Variants in RARB observed in about 807,000 individuals in gnomAD.
RARB encodes the protein retinoic acid receptor beta.
RARB carries 17 observed loss-of-function variants against 51.9 expected under a neutral mutation model. That is an observed-to-expected ratio of 0.33 (90% CI 0.22 to 0.49). The LOEUF is 0.49. RARB is among the 20% of genes least tolerant of loss of function. The pLI, the probability that RARB is intolerant of heterozygous loss-of-function variation, is 0.99. For missense variants in RARB, 369 were observed against 550.8 expected, an observed-to-expected ratio of 0.67 and a Z score of 3.30; for synonymous variants, 215 against 195.4, an observed-to-expected ratio of 1.10 and a Z score of -0.84.
chr3:25,310,721 G>A (rs1704268143), intron 5 of RARB, among the ~76,000 whole-genome samples: 1 of 152,072 alleles, frequency 6.6e-6, no homozygotes, highest in Non-Finnish European at 1.5e-5. Context: ...ACCCCTCTCT[G>A]TTCACACATG....
intron 2 of RARB, among the ~76,000 whole-genome samples, chr3:25,012,804 T>G (rs1378976300): frequency 6.6e-6 from 1 of 152,120 alleles, no homozygotes; most frequent in Non-Finnish European, 1.5e-5. Flanking sequence ...TGATTATTGT[T>G]TGGCTTTATT....
chr3:25,257,273 C>T lies in RARB; in HGVS notation c.178+82698C>T, dbSNP rs113182149. 2.8e-3 allele frequency among the ~76,000 whole-genome samples: 424 copies of T among 152,118 alleles called. 2 individuals are homozygous for T. Among genetic ancestry groups the T allele is most frequent in the African/African-American group, 9.9e-3 (409 of 41,492 alleles). The stretch of plus-strand genomic sequence containing the variant: ...GTGTGCTCCATTCCGGGTACCACAT[C>T]TTAAGGGGCATGTTGGCCAACTGGA... On this transcript the variant is annotated intron_variant, in intron 5 of 11. Coordinates refer to the RARB transcript ENST00000383772.
At chr3:25,210,753 T>G (rs184543328) in intron 5 of RARB, among the ~76,000 whole-genome samples, 1 of 151,978 alleles carries the variant, frequency 6.6e-6, no homozygotes. Context: ...CATGCTGGTC[T>G]CGAACTCCTG....
intron 1 of RARB, among the ~76,000 whole-genome samples, chr3:25,459,996 A>G (rs1223409030): frequency 6.6e-6 from 1 of 152,208 alleles, no homozygotes; most frequent in Non-Finnish European, 1.5e-5. Flanking sequence ...CCCCGTTCTT[A>G]TATTTTGTGA....
chr3:24,832,080 T>C (rs1025553562), intron 1 of RARB, among the ~76,000 whole-genome samples: 4 of 152,176 alleles, frequency 2.6e-5, no homozygotes, highest in Non-Finnish European at 5.9e-5. Flanking sequence ...TGTTTTAACC[T>C]TAGGGACATT....
intron 2 of RARB, among the ~76,000 whole-genome samples, chr3:25,000,518 G>T (rs1328106734): frequency 6.6e-6 from 1 of 151,994 alleles, no homozygotes; most frequent in Non-Finnish European, 1.5e-5. Context: ...TCTTTGACCT[G>T]CGAGGCTGAT....
At chr3:24,982,593 C>A (rs889133276) in intron 2 of RARB, among the ~76,000 whole-genome samples, 4 of 152,176 alleles carry the variant, frequency 2.6e-5, no homozygotes, top group South Asian at 2.1e-4. Context: ...GTAATACTTT[C>A]TTCTTCAGAC....
rs142249392 is a variant in RARB at position 24,950,368 on chromosome 3, C to T, written c.-380+91616C>T. On this transcript the variant is annotated intron_variant, in intron 2 of 11. Coordinates refer to the RARB transcript ENST00000383772. ...TATGTAAAAATGGGTTTGCAAATGCCCTAGAGATCCATATGATGGGGCACA... is the reference window on the plus strand; with the variant it reads ...TATGTAAAAATGGGTTTGCAAATGCTCTAGAGATCCATATGATGGGGCACA... 1.3e-4 allele frequency among the ~76,000 whole-genome samples: 20 copies of T among 152,192 alleles called. No homozygotes were observed. In the East Asian group the frequency reaches 2.7e-3, roughly 21 times the overall value.
chr3:25,082,327 C>T (rs984601036), intron 3 of RARB, among the ~76,000 whole-genome samples: 6 of 152,018 alleles, frequency 3.9e-5, no homozygotes, highest in Admixed American at 6.6e-5. Flanking sequence ...CTGTTCATAA[C>T]TATTCTTCCT....
chr3:25,505,306 C>A (rs1414036279), intron 3 of RARB, among the ~76,000 whole-genome samples: 1 of 152,168 alleles, frequency 6.6e-6, no homozygotes, highest in African/African-American at 2.4e-5. Flanking sequence ...GAAATATATA[C>A]TGCGTGCCAT....
At chr3:25,212,578 A>T (rs1363878448) in intron 5 of RARB, among the ~76,000 whole-genome samples, 1 of 152,196 alleles carries the variant, frequency 6.6e-6, no homozygotes. Flanking sequence ...AGATCGCACT[A>T]CTGCACTCCA....
intron 5 of RARB, among the ~76,000 whole-genome samples, chr3:25,202,455 A>G (rs554644453): frequency 1.3e-5 from 2 of 151,850 alleles, no homozygotes; most frequent in East Asian, 3.9e-4. Flanking sequence ...CTCTGATCTT[A>G]GTTATTTCTT....
At chr3:25,315,587 C>T (rs577419650) in intron 5 of RARB, among the ~76,000 whole-genome samples, 1 of 152,154 alleles carries the variant, frequency 6.6e-6, no homozygotes, top group East Asian at 1.9e-4. Context: ...TTTACTTCTC[C>T]AGCCTAGGAT....
intron 1 of RARB, among the ~76,000 whole-genome samples, chr3:24,849,499 G>T (rs1358382569): frequency 1.3e-5 from 2 of 150,652 alleles, no homozygotes; most frequent in Non-Finnish European, 2.9e-5. Context: ...TGAGCCTCTG[G>T]TTACAACATT....
intron 2 of RARB, among the ~76,000 whole-genome samples, chr3:24,936,564 T>G (rs897317165): frequency 6.6e-6 from 1 of 152,170 alleles, no homozygotes; most frequent in Non-Finnish European, 1.5e-5. Flanking sequence ...GGGGATTAAT[T>G]AGCAATAAAG....
chr3:25,405,254 C>A (rs990620294), intron 5 of RARB, among the ~76,000 whole-genome samples: 1 of 152,290 alleles, frequency 6.6e-6, no homozygotes, highest in East Asian at 1.9e-4. Context: ...CACAATGGCT[C>A]ATGGCTGTAA....
In RARB at chr3:24,925,094, G is replaced by A. The variant is rs368149321; in HGVS notation, c.-380+66342G>A. ...TCTTGGCATTCTCATTTTTCTTTTC[G>A]CAGCCCTCTCATATGCATTAACCAG... On this transcript the variant is annotated intron_variant, in intron 2 of 11. Coordinates refer to the RARB transcript ENST00000383772. Among the ~76,000 whole-genome samples the A allele has an allele frequency of 7.7e-4, 117 of 151,822 alleles. 4 individuals carry two copies. The highest frequency in any genetic ancestry group is 3.3e-3 in the East Asian group (17 of 5,162).
chr3:24,921,620 G>A (rs1247217348), intron 2 of RARB, among the ~76,000 whole-genome samples: 3 of 152,040 alleles, frequency 2.0e-5, no homozygotes, highest in African/African-American at 7.2e-5. Context: ...CCCAATCAGC[G>A]AGGAGGTCCC....
intron 2 of RARB, among the ~76,000 whole-genome samples, chr3:25,481,156 C>T (rs190672435): frequency 1.3e-5 from 2 of 152,228 alleles, no homozygotes; most frequent in African/African-American, 4.8e-5. Context: ...AAAAACCACT[C>T]AGATCATACA....
Sources: gnomAD v4.1 joint callset for allele counts (sites outside exome capture counted in the v4.1 genomes callset) on GRCh38, gnomAD v4.1.1 for gene constraint, MANE v1.5 for transcripts, NCBI Gene and HGNC (gene_info 2026-07-23, HGNC 2026-07-21) for gene names.